Variants in CAMK2A observed in about 807,000 individuals in gnomAD.
The protein encoded by CAMK2A is calcium/calmodulin dependent protein kinase II alpha.
In CAMK2A, 7 loss-of-function variants were observed where a neutral mutation model predicts 79.2. The observed-to-expected ratio is 0.09, with a 90% CI of 0.05 to 0.17. CAMK2A has a LOEUF of 0.17. CAMK2A is among the 10% of genes least tolerant of loss of function. The probability of loss-of-function intolerance (pLI) is 1.00; values close to 1 mark genes in which losing one functional copy is unlikely to be tolerated. For missense variants in CAMK2A, 214 were observed against 646.4 expected (o/e 0.33, Z 7.25); for synonymous variants, 242 against 251.7 (o/e 0.96, Z 0.36).
Position 150,222,000 on chromosome 5 carries a change from G to A in CAMK2A, c.*710C>T, listed in dbSNP as rs996530476. On this transcript the variant is annotated 3_prime_UTR_variant, in exon 19 of 19. Coordinates refer to ENST00000671881, the MANE Select transcript of CAMK2A (RefSeq NM_015981.4). ...CAATTAGATTCCCTCTCTGAGATACGACAAAGCTGGAATTCTCCAGGGATG... is the reference window on the plus strand; with the variant it reads ...CAATTAGATTCCCTCTCTGAGATACAACAAAGCTGGAATTCTCCAGGGATG... 4.2e-5 allele frequency: 8 copies of A among 190,784 alleles called. No individual in the cohort carries two copies. The highest frequency in any genetic ancestry group is 1.1e-4 in the Admixed American group (2 of 18,622). 11.8% of individuals were successfully genotyped at this position (190,784 alleles called of 1,614,324 possible).
chr5:150,242,494 T>C (rs1755392969), intron 13 of CAMK2A, among the ~76,000 whole-genome samples: 1 of 152,072 alleles, frequency 6.6e-6, no homozygotes, highest in Non-Finnish European at 1.5e-5. Context: ...TGAAATGGGG[T>C]TTGTCTCCAG....
chr5:150,289,519 T>C (rs1369706668), intron 1 of CAMK2A, 45 bp downstream of exon 1: 2 of 1,511,988 alleles, frequency 1.3e-6, no homozygotes, highest in East Asian at 4.5e-5. Flanking sequence ...GACCCTGACC[T>C]CCCCGCCCCC....
chr5:150,228,281 A>G lies in CAMK2A; in HGVS notation c.1148T>C (p.Met383Thr), dbSNP rs1754692098. The G allele has an allele frequency of 2.5e-6, 4 of 1,613,464 alleles. No individual in the cohort carries two copies. The highest frequency in any genetic ancestry group is 1.7e-5 in the Admixed American group (1 of 59,960). The change falls in exon 17 of 19, where the codon ATG becomes ACG. Residue 383 changes from methionine (M) to threonine (T), a missense_variant. Physicochemically the swap from Met to Thr is moderately conservative, Grantham distance 81. Coordinates refer to ENST00000671881, the MANE Select transcript of CAMK2A (RefSeq NM_015981.4). ...SNGDFESYTK[M>T]CDPGMTAFEP... ...GAAGGCTGTCATGCCAGGGTCGCACATCTTCCTGGGGGAAAGAAGCCAGAG... is the reference window on the plus strand; with the variant it reads ...GAAGGCTGTCATGCCAGGGTCGCACGTCTTCCTGGGGGAAAGAAGCCAGAG...
chr5:150,269,104 G>A (rs1351168658), intron 2 of CAMK2A, among the ~76,000 whole-genome samples: 1 of 151,958 alleles, frequency 6.6e-6, no homozygotes, highest in Non-Finnish European at 1.5e-5. Context: ...TAGATCCATT[G>A]GCTCAGCAGA....
At chr5:150,271,056 G>C (rs1756727898) in intron 2 of CAMK2A, among the ~76,000 whole-genome samples, 1 of 152,174 alleles carries the variant, frequency 6.6e-6, no homozygotes, top group Non-Finnish European at 1.5e-5. Context: ...GTCACCCCCT[G>C]TCCCTGTTGT....
intron 3 of CAMK2A, 94 bp downstream of exon 3, chr5:150,264,862 T>A (rs1159514654): frequency 4.4e-6 from 4 of 901,756 alleles, no homozygotes; most frequent in Non-Finnish European, 7.5e-6. Flanking sequence ...AGAGAGCAGC[T>A]GCTCTCCACC....
rs1756018877 is a variant in CAMK2A, at chr5:150,255,518, G to A, written c.411+1055C>T. On this transcript the variant is annotated intron_variant, in intron 6 of 18. Transcript: ENST00000671881. ...GGGACTTAGCAGCTACAACAAAGCT[G>A]CTGGAGTCCGTCTAGGGCTCTTCCA... is the stretch of plus-strand genomic sequence containing the variant. Among the ~76,000 whole-genome samples, 3 of 152,238 alleles carry A rather than the reference G, an allele frequency of 2.0e-5. No homozygotes were observed. The South Asian group carries it at 6.2e-4, about 31-fold the overall frequency.
At chr5:150,278,659 G>C (rs1757069999) in intron 1 of CAMK2A, among the ~76,000 whole-genome samples, 1 of 152,128 alleles carries the variant, frequency 6.6e-6, no homozygotes, top group South Asian at 2.1e-4. Context: ...ATGGCCATGG[G>C]CAGTCCTGGA....
At chr5:150,250,055 T>C (rs1755763049) in intron 11 of CAMK2A, among the ~76,000 whole-genome samples, 171 bp downstream of exon 11, 1 of 152,198 alleles carries the variant, frequency 6.6e-6, no homozygotes, top group Non-Finnish European at 1.5e-5. Context: ...GGCTCAGTCA[T>C]TCACCGCTCA....
At position 150,250,722 on chromosome 5, in the gene CAMK2A, G is replaced by A. The variant is rs758925573; in HGVS notation, c.782C>T (p.Thr261Ile). 1.5e-5 allele frequency: 24 copies of A among 1,614,028 alleles called. No homozygotes were observed. The highest frequency in any genetic ancestry group is 1.9e-5 in the Non-Finnish European group (22 of 1,180,004). The change falls in exon 10 of 19, where the codon ACA becomes ATA. Residue 261 changes from threonine (T) to isoleucine (I), a missense_variant. Thr to Ile is a moderately conservative substitution (Grantham distance 89, BLOSUM62 -1). Coordinates refer to ENST00000671881, the MANE Select transcript of CAMK2A (RefSeq NM_015981.4). ...MLTINPSKRITAAEALKHPWI... is the reference protein window; with the variant it reads ...MLTINPSKRIIAAEALKHPWI... ...GGGGTGCTTAAGGGCTTCGGCAGCT[G>A]TGATGCGTTTGGATGGGTTAATGGT...
rs1485598934 is a variant in CAMK2A, at chr5:150,289,558, A to T, written c.62+6T>A. ...GCCTTCCAGGACTTCCTGAGGCACA[A>T]CTCACTTGCCCAATTCCTCGAAGAG... On this transcript the variant is annotated splice_donor_region_variant and intron_variant, in intron 1 of 18. Transcript: ENST00000671881. 6.2e-7 allele frequency: 1 copy of T among 1,612,992 alleles called. No individual in the cohort carries two copies. The highest frequency in any genetic ancestry group is 1.7e-5 in the Admixed American group (1 of 59,996).
intron 11 of CAMK2A, among the ~76,000 whole-genome samples, chr5:150,249,474 C>G (rs983732365): frequency 1.3e-5 from 2 of 152,232 alleles, no homozygotes; most frequent in Non-Finnish European, 2.9e-5. Context: ...CTTGTGGTGC[C>G]CCTAAGGGGT....
intron 18 of CAMK2A, 69 bp downstream of exon 18, chr5:150,222,920 G>A (rs1430206210): frequency 2.8e-5 from 42 of 1,502,492 alleles, no homozygotes; most frequent in Middle Eastern, 1.7e-4. Flanking sequence ...CTTCCCCGAC[G>A]TAACCCCCTC....
intron 10 of CAMK2A, 39 bp from the exon 11 acceptor site, chr5:150,250,348 G>A (rs1755777595): frequency 6.4e-7 from 1 of 1,566,762 alleles, no homozygotes; most frequent in African/African-American, 1.4e-5. Context: ...GTGGAAGGCA[G>A]GCTGGAAGAC....
chr5:150,245,575 A>G lies in CAMK2A; in HGVS notation c.944-374T>C, dbSNP rs1755533216. 2.6e-5 allele frequency among the ~76,000 whole-genome samples: 4 copies of G among 152,226 alleles called. No individual in the cohort carries two copies. The South Asian group carries it at 8.3e-4, about 32-fold the overall frequency. ...ACCCGAGGTCTGGCTGCCTGGCCCC[A>G]GGCTGGACACGCCCTCCCCACCCTG... On this transcript the variant is annotated intron_variant, in intron 12 of 18. Coordinates refer to ENST00000671881, the MANE Select transcript of CAMK2A (RefSeq NM_015981.4).
At chr5:150,237,805 T>C (rs1476047084) in intron 15 of CAMK2A, among the ~76,000 whole-genome samples, 1 of 152,206 alleles carries the variant, frequency 6.6e-6, no homozygotes, top group Non-Finnish European at 1.5e-5. Context: ...AAGCATTCCA[T>C]AAATGACGGC....
At chr5:150,269,128 G>C (rs1041193179) in intron 2 of CAMK2A, among the ~76,000 whole-genome samples, 1 of 152,088 alleles carries the variant, frequency 6.6e-6, no homozygotes, top group Admixed American at 6.5e-5. Context: ...CCATGATGGT[G>C]AGAGATCTGA....
At chr5:150,282,460 G>A (rs1485665850) in intron 1 of CAMK2A, among the ~76,000 whole-genome samples, 1 of 152,250 alleles carries the variant, frequency 6.6e-6, no homozygotes, top group African/African-American at 2.4e-5. Flanking sequence ...GCCAAGGGGT[G>A]ACTTACTCCT....
chr5:150,244,603 G>C (rs373792959), intron 13 of CAMK2A, among the ~76,000 whole-genome samples: 1 of 152,230 alleles, frequency 6.6e-6, no homozygotes, highest in Non-Finnish European at 1.5e-5. Context: ...GGGTGGGACA[G>C]GGCAGGCCCT....
Sources: gnomAD v4.1 joint callset for allele counts (sites outside exome capture counted in the v4.1 genomes callset) on GRCh38, gnomAD v4.1.1 for gene constraint, MANE v1.5 for transcripts, NCBI Gene and HGNC (gene_info 2026-07-23, HGNC 2026-07-21) for gene names.